SRD5A2: variants seen among roughly 807,000 people sequenced by gnomAD.
The protein encoded by SRD5A2 is steroid 5 alpha-reductase 2.
A neutral mutation model predicts 27.4 loss-of-function variants in SRD5A2; 30 were observed. That is an observed-to-expected ratio of 1.10 (90% CI 0.82 to 1.49). The LOEUF is 1.49. SRD5A2 is among the 40% of genes most tolerant of loss of function. SRD5A2 has a pLI of 0.00. For missense variants in SRD5A2, 348 were observed against 323.4 expected (o/e 1.08, Z -0.58); for synonymous variants, 141 against 133.6 (o/e 1.06, Z -0.38).
At chr2:31,574,498 G>C (rs1286024149) in intron 1 of SRD5A2, among the ~76,000 whole-genome samples, 1 of 152,096 alleles carries the variant, frequency 6.6e-6, no homozygotes. Context: ...CTTCAGTGTG[G>C]TAAAAGTGAA....
the SRD5A2 span, among the ~76,000 whole-genome samples, chr2:31,656,461 C>T: frequency 6.6e-6 from 1 of 152,030 alleles, no homozygotes; most frequent in African/African-American, 2.4e-5. Flanking sequence ...AAACTGAATC[C>T]CCTTGTGGTG....
rs948700384 is a variant in SRD5A2, at chr2:31,580,897, G to C, written c.4C>G (p.Gln2Glu). M[Q>E]VQCQQSPVLA... ...ACTGGGCTCTGCTGGCACTGAACCT[G>C]CATCGCGCCGTGTTCCTCGCCGGTG... Residue 2 changes from glutamine to glutamate, a missense_variant, in exon 1 of 5, where the codon CAG becomes GAG. Transcript: ENST00000622030. 3 of 1,595,776 alleles carry C rather than the reference G, an allele frequency of 1.9e-6. No homozygotes were observed. The highest frequency in any genetic ancestry group is 1.1e-5 in the South Asian group (1 of 90,814).
Position 31,534,984 on chromosome 2 carries a change from C to G in SRD5A2, c.282-1218G>C, listed in dbSNP as rs28383041. Among the ~76,000 whole-genome samples the G allele has an allele frequency of 3.7e-3, 553 of 150,708 alleles. 23 individuals carry two copies. The East Asian group carries it at 0.095, about 26-fold the overall frequency. On this transcript the variant is annotated intron_variant, in intron 1 of 4. Transcript: ENST00000622030. ...ACATTTTAAATTATGGAGTGACTGG[C>G]AAAAGTATGCAGACAGGTGTTGCAT...
rs1223703980 is a variant in SRD5A2, at chr2:31,522,619, T to C, written c.*3577A>G. Reference sequence around the variant, plus strand: ...CAACTCCATGGACTTGTACAAAGAATAAACAAATGTCTTACTTAGAAATTA... The same window carrying C: ...CAACTCCATGGACTTGTACAAAGAACAAACAAATGTCTTACTTAGAAATTA... On this transcript the variant is annotated 3_prime_UTR_variant, in exon 5 of 5. Coordinates refer to ENST00000622030, the MANE Select transcript of SRD5A2 (RefSeq NM_000348.4). The C allele has an allele frequency of 4.7e-6, 1 of 214,502 alleles. No homozygotes were observed. Among genetic ancestry groups the C allele is most frequent in the Admixed American group, 5.8e-5 (1 of 17,114 alleles). 13.3% of individuals were successfully genotyped at this position (214,502 alleles called of 1,614,324 possible). A position where few individuals can be genotyped will look rare whatever the true frequency, so the allele number is the denominator to read the frequency against.
At chr2:31,610,870 G>T in the SRD5A2 span, among the ~76,000 whole-genome samples, 2 of 152,102 alleles carry the variant, frequency 1.3e-5, no homozygotes, top group African/African-American at 4.8e-5. Flanking sequence ...CACTTTGGGA[G>T]GCCAAGGAGG....
chr2:31,656,195 T>C, the SRD5A2 span, among the ~76,000 whole-genome samples: 2 of 152,164 alleles, frequency 1.3e-5, no homozygotes, highest in African/African-American at 4.8e-5. Flanking sequence ...ACACAAGCAA[T>C]GCCATTCCTT....
rs1182467194 is a variant in SRD5A2, at chr2:31,526,304, G to A, written c.699-42C>T. ...GAATAATTGTAAATATAATGGAGCA[G>A]TGGCTGACAGCTGAGGTTTGCTCTT... On this transcript the variant is annotated intron_variant, in intron 4 of 4. Transcript: ENST00000622030. 10 of 1,286,806 alleles carry A rather than the reference G, an allele frequency of 7.8e-6. No individual in the cohort carries two copies. The East Asian group carries it at 2.0e-4, about 26-fold the overall frequency. 79.7% of individuals were successfully genotyped at this position (1,286,806 alleles called of 1,614,324 possible). A position where few individuals can be genotyped will look rare whatever the true frequency, so the allele number is the denominator to read the frequency against.
At chr2:31,530,648 A>G (rs2148064573) in intron 3 of SRD5A2, among the ~76,000 whole-genome samples, 1 of 152,312 alleles carries the variant, frequency 6.6e-6, no homozygotes, top group Non-Finnish European at 1.5e-5. Context: ...TAATTGAGGA[A>G]ATTTTTTGAT....
the SRD5A2 span, among the ~76,000 whole-genome samples, chr2:31,589,802 G>C: frequency 6.6e-6 from 1 of 152,138 alleles, no homozygotes; most frequent in African/African-American, 2.4e-5. Context: ...CTGAAGGGAA[G>C]GGCAGGCAGG....
At chr2:31,602,182 G>C in the SRD5A2 span, among the ~76,000 whole-genome samples, 2 of 152,052 alleles carry the variant, frequency 1.3e-5, no homozygotes, top group African/African-American at 4.8e-5. Context: ...CAGCCCAAAA[G>C]CTTCTTAAGC....
the SRD5A2 span, among the ~76,000 whole-genome samples, chr2:31,615,806 A>C: frequency 2.6e-5 from 4 of 152,220 alleles, no homozygotes; most frequent in African/African-American, 9.6e-5. Context: ...CAAGAGGCCC[A>C]AAGGCCTAGG....
At chr2:31,656,579 C>T in the SRD5A2 span, among the ~76,000 whole-genome samples, 45 of 152,146 alleles carry the variant, frequency 3.0e-4, 1 homozygote, top group Admixed American at 2.8e-3. Context: ...ATAGCTGATG[C>T]CCCTTTTGCC....
At position 31,526,248 on chromosome 2, in the gene SRD5A2, A is replaced by T; in HGVS notation, c.713T>A (p.Met238Lys). Residue 238 changes from methionine (M) to lysine (K), a missense_variant, in exon 5 of 5, where the codon ATG becomes AAG. Transcript: ENST00000622030. ...CCGAGATTTGGGGTAGTCCTCAAAC[A>T]TCTTGAGGTAGAACCTAAAAGACAA... is the stretch of plus-strand genomic sequence containing the variant. ...AFHHHRFYLK[M>K]FEDYPKSRKA... 6.3e-7 allele frequency: 1 copy of T among 1,583,730 alleles called. No individual in the cohort carries two copies.
intron 1 of SRD5A2, among the ~76,000 whole-genome samples, chr2:31,565,412 CA>C (rs1348949131): frequency 6.6e-6 from 1 of 151,394 alleles, no homozygotes; most frequent in African/African-American, 2.4e-5. Flanking sequence ...ATGGCAGGGG[CA>C]GGGGGAAAGA....
chr2:31,581,218 AT>A (rs66514339), upstream of SRD5A2, among the ~76,000 whole-genome samples: 152,301 of 152,302 alleles, frequency 1, 76,150 homozygotes, highest in Non-Finnish European at 1. Context: ...TCTGATGCGC[AT>A]ACTTCTGGAA....
At chr2:31,605,108 A>T in the SRD5A2 span, among the ~76,000 whole-genome samples, 1 of 151,902 alleles carries the variant, frequency 6.6e-6, no homozygotes, top group Non-Finnish European at 1.5e-5. Context: ...TAGGCAGAAG[A>T]ATAAAACTAG....
At chr2:31,559,830 ACAAAC>A (rs1666577624) in intron 1 of SRD5A2, among the ~76,000 whole-genome samples, 3 of 108,102 alleles carry the variant, frequency 2.8e-5, no homozygotes, top group African/African-American at 1.1e-4. Flanking sequence ...GTAAAAGTAA[ACAAAC>A]CCACACACAC....
At chr2:31,584,789 A>T (rs1264319106), upstream of SRD5A2, among the ~76,000 whole-genome samples, 1 of 152,248 alleles carries the variant, frequency 6.6e-6, no homozygotes, top group African/African-American at 2.4e-5. Context: ...CCCAACAAGG[A>T]CACCAATTTA....
the SRD5A2 span, among the ~76,000 whole-genome samples, chr2:31,655,255 C>T: frequency 6.6e-6 from 1 of 152,120 alleles, no homozygotes; most frequent in Non-Finnish European, 1.5e-5. Flanking sequence ...GTGCCCACCA[C>T]CACGACTGAC....
Sources: allele counts gnomAD v4.1 joint callset (sites outside exome capture counted in the v4.1 genomes callset), GRCh38; gene constraint gnomAD v4.1.1; transcripts MANE v1.5; gene names NCBI Gene and HGNC (gene_info 2026-07-23, HGNC 2026-07-21).